NEDD1: variants seen among roughly 807,000 people sequenced by gnomAD.
NEDD1 encodes the protein protein NEDD1.
In NEDD1, 33 loss-of-function variants were observed where a neutral mutation model predicts 74.0. The ratio of observed to expected loss-of-function variants is 0.45; its 90% CI spans 0.34 to 0.60. NEDD1 has a LOEUF of 0.60. NEDD1 is among the 20% of genes least tolerant of loss of function. The pLI is 0.01. For missense variants in NEDD1, 746 were observed against 776.5 expected (o/e 0.96, Z 0.47); for synonymous variants, 250 against 264.4 (o/e 0.95, Z 0.53).
chr12:96,917,601 T>G lies in NEDD1; in HGVS notation c.232-20T>G. 9.0e-7 allele frequency: 1 copy of G among 1,107,514 alleles called. No homozygotes were observed. Among genetic ancestry groups the G allele is most frequent in the Non-Finnish European group, 1.2e-6 (1 of 811,448 alleles). 68.6% of individuals were successfully genotyped at this position (1,107,514 alleles called of 1,614,324 possible). A position where few individuals can be genotyped will look rare whatever the true frequency, so the allele number is the denominator to read the frequency against. ...GGGCTCTGTTAAATTAAGGTAACTTTTTTTTTTTTTTTTAAATAGCAAAAG... is the reference window on the plus strand; with the variant it reads ...GGGCTCTGTTAAATTAAGGTAACTTGTTTTTTTTTTTTTAAATAGCAAAAG... On this transcript the variant is annotated intron_variant, in intron 4 of 15. Transcript: ENST00000266742.
intron 6 of NEDD1, among the ~76,000 whole-genome samples, chr12:96,923,788 T>TTGTGTGTGTGTGTGTGTGTG (rs10528785): frequency 3.3e-4 from 47 of 142,354 alleles, no homozygotes; most frequent in Non-Finnish European, 6.3e-4. Context: ...TAATACCTGT[T>TTGTGTGTGTGTGTGTGTGTG]TGTGTGTGTG....
intron 5 of NEDD1, 56 bp downstream of exon 5, chr12:96,917,793 G>A: frequency 6.7e-7 from 1 of 1,484,828 alleles, no homozygotes. Flanking sequence ...TGCATTTAGA[G>A]TACTTACCAA....
intron 14 of NEDD1, among the ~76,000 whole-genome samples, chr12:96,946,638 A>G (rs750041676): frequency 6.6e-6 from 1 of 152,226 alleles, no homozygotes; most frequent in Non-Finnish European, 1.5e-5. Flanking sequence ...TGTACCAGAT[A>G]CTAAGGATAC....
chr12:96,917,760 T>C lies in NEDD1; in HGVS notation c.348+23T>C. On this transcript the variant is annotated intron_variant, in intron 5 of 15. Transcript: ENST00000266742. Reference sequence around the variant, plus strand: ...AAGGTAAGCAATTTAAAAAAAATCTTCATGAAAAAATGGATATCTTAATGC... The same window carrying C: ...AAGGTAAGCAATTTAAAAAAAATCTCCATGAAAAAATGGATATCTTAATGC... 3 of 1,541,892 alleles carry C rather than the reference T, an allele frequency of 1.9e-6. 1 individual carries two copies.
At chr12:96,908,619 T>C (rs1461761390) in intron 2 of NEDD1, among the ~76,000 whole-genome samples, 1 of 152,222 alleles carries the variant, frequency 6.6e-6, no homozygotes, top group East Asian at 1.9e-4. Flanking sequence ...TTCAGCTGTA[T>C]GCTCTGAATA....
chr12:96,950,948 C>G (rs1239836049), intron 14 of NEDD1, among the ~76,000 whole-genome samples: 1 of 151,808 alleles, frequency 6.6e-6, no homozygotes, highest in Non-Finnish European at 1.5e-5. Flanking sequence ...CCACTTTATA[C>G]TGAAAGTACA....
chr12:96,938,254 T>C (rs1428496974), intron 9 of NEDD1, among the ~76,000 whole-genome samples: 1 of 152,010 alleles, frequency 6.6e-6, no homozygotes, highest in Non-Finnish European at 1.5e-5. Flanking sequence ...AATATCTGTA[T>C]CATCCTTATA....
chr12:96,947,494 A>C (rs771168936), intron 14 of NEDD1, among the ~76,000 whole-genome samples: 4 of 152,210 alleles, frequency 2.6e-5, no homozygotes, highest in Non-Finnish European at 5.9e-5. Context: ...TGAAGGTCTT[A>C]ACACACAGGT....
rs1236105236 is a variant in NEDD1 at position 96,953,120 on chromosome 12, T to TGTCTCTTG, written c.*1068_*1075dup. On this transcript the variant is annotated 3_prime_UTR_variant, in exon 16 of 16. Coordinates refer to ENST00000266742, the MANE Select transcript of NEDD1 (RefSeq NM_152905.4). ...GGGGCTACTGACTTGGTTACCTTCT[T>TGTCTCTTG]GTCTCTTGTCCCAAAGATTTAAACT... 1 of 151,402 alleles carries TGTCTCTTG rather than the reference T, an allele frequency of 6.6e-6. No individual in the cohort carries two copies. Among genetic ancestry groups the TGTCTCTTG allele is most frequent in the Non-Finnish European group, 1.5e-5 (1 of 67,592 alleles). The allele number at this position is 151,402 out of a possible 1,614,324, so 9.4% of individuals were successfully genotyped here. A position where few individuals can be genotyped will look rare whatever the true frequency, so the allele number is the denominator to read the frequency against.
chr12:96,932,536 A>G (rs1276334681), intron 6 of NEDD1, among the ~76,000 whole-genome samples: 1 of 106,868 alleles, frequency 9.4e-6, no homozygotes, highest in Non-Finnish European at 2.0e-5. Context: ...AATTATATAT[A>G]TATAATTTAG....
At chr12:96,940,151 C>T (rs1877520979) in intron 9 of NEDD1, among the ~76,000 whole-genome samples, 1 of 151,856 alleles carries the variant, frequency 6.6e-6, no homozygotes, top group African/African-American at 2.4e-5. Context: ...ACTGTATGAA[C>T]AAATAAGCTG....
At chr12:96,923,046 G>A (rs1004054925) in intron 6 of NEDD1, among the ~76,000 whole-genome samples, 5 of 152,102 alleles carry the variant, frequency 3.3e-5, no homozygotes, top group Non-Finnish European at 5.9e-5. Flanking sequence ...GAGCCTGGGA[G>A]GTTGAGGCTG....
chr12:96,909,331 A>G (rs1265397876), intron 2 of NEDD1, among the ~76,000 whole-genome samples: 1 of 152,224 alleles, frequency 6.6e-6, no homozygotes, highest in African/African-American at 2.4e-5. Context: ...AGGAGGAAAC[A>G]TTTGAGCTAA....
chr12:96,927,158 G>T (rs1170670153), intron 6 of NEDD1, among the ~76,000 whole-genome samples: 1 of 152,096 alleles, frequency 6.6e-6, no homozygotes, highest in Non-Finnish European at 1.5e-5. Flanking sequence ...GCACATCCAT[G>T]ATTAAATTAA....
rs548548787 is a variant in NEDD1 at position 96,917,748 on chromosome 12, TA to T, written c.348+19del. On this transcript the variant is annotated intron_variant, in intron 5 of 15. Coordinates refer to ENST00000266742, the MANE Select transcript of NEDD1 (RefSeq NM_152905.4). ...CATCGATCTCTTAAGGTAAGCAATT[TA>T]AAAAAAATCTTCATGAAAAAATGGA... The T allele has an allele frequency of 7.1e-6, 11 of 1,539,874 alleles. No homozygotes were observed. Among genetic ancestry groups the T allele is most frequent in the African/African-American group, 5.7e-5 (4 of 69,876 alleles).
At position 96,943,649 on chromosome 12, in the gene NEDD1, C is replaced by G. The variant is rs767486150; in HGVS notation, c.1384C>G (p.Leu462Val). 1 of 1,611,854 alleles carries G rather than the reference C, an allele frequency of 6.2e-7. No individual in the cohort carries two copies. ...SSTSVLHSSP[L>V]NVFMGSPGKE... ...TACTTCAGTATTGCATTCTAGTCCT[C>G]TTAATGTTTTTATGGGATCTCCAGG... is the stretch of plus-strand genomic sequence containing the variant. The change falls in exon 12 of 16, where the codon CTT (leucine) becomes GTT (valine). Residue 462 changes from leucine to valine, a missense_variant. Coordinates refer to ENST00000266742, the MANE Select transcript of NEDD1 (RefSeq NM_152905.4).
chr12:96,932,947 C>T (rs569672398), intron 6 of NEDD1, among the ~76,000 whole-genome samples: 2 of 150,448 alleles, frequency 1.3e-5, no homozygotes, highest in East Asian at 2.0e-4. Context: ...GTTTGCTGAG[C>T]GTCCACTGAA....
chr12:96,930,154 AAAACACACACACACACACACACAC>A (rs1876224048), intron 6 of NEDD1, among the ~76,000 whole-genome samples: 1 of 73,748 alleles, frequency 1.4e-5, no homozygotes, highest in African/African-American at 5.5e-5. Context: ...TATCTGTTGT[AAAACACACACACACACACACACAC>A]ACACACACAC....
chr12:96,923,788 T>TGTGTG (rs1875373530), intron 6 of NEDD1, among the ~76,000 whole-genome samples: 44 of 142,360 alleles, frequency 3.1e-4, no homozygotes, highest in Admixed American at 7.0e-4. Flanking sequence ...TAATACCTGT[T>TGTGTG]TGTGTGTGTG....
Sources: gnomAD v4.1 joint callset for allele counts (sites outside exome capture counted in the v4.1 genomes callset) on GRCh38, gnomAD v4.1.1 for gene constraint, MANE v1.5 for transcripts, NCBI Gene and HGNC (gene_info 2026-07-23, HGNC 2026-07-21) for gene names.